The following SSBP2 variants were observed in gnomAD, a reference collection of about 807,000 sequenced individuals.
SSBP2 encodes single stranded DNA binding protein 2, also known as single-stranded DNA-binding protein 2.
Under a neutral mutation model 61.8 loss-of-function variants are expected in SSBP2, and 17 were observed. That is an observed-to-expected ratio of 0.28 (90% CI 0.19 to 0.41). The LOEUF is 0.41. SSBP2 is among the 10% of genes least tolerant of loss of function. The probability of loss-of-function intolerance (pLI) is 1.00; values close to 1 mark genes in which losing one functional copy is unlikely to be tolerated. For missense variants in SSBP2, 310 were observed against 458.7 expected, an observed-to-expected ratio of 0.68 and a Z score of 2.96; for synonymous variants, 139 against 141.3, an observed-to-expected ratio of 0.98 and a Z score of 0.12.
chr5:81,468,373 A>G (rs1377821277), intron 8 of SSBP2, among the ~76,000 whole-genome samples: 1 of 151,870 alleles, frequency 6.6e-6, no homozygotes, highest in Non-Finnish European at 1.5e-5. Flanking sequence ...CCTGCTCCCA[A>G]TCTATTCTCC....
chr5:81,435,569 G>GT (rs1394865319), intron 15 of SSBP2, among the ~76,000 whole-genome samples: 1 of 152,206 alleles, frequency 6.6e-6, no homozygotes, highest in Non-Finnish European at 1.5e-5. Flanking sequence ...GCATGGGAAA[G>GT]TAAGCACAGA....
chr5:81,654,095 C>G (rs1750003519), intron 1 of SSBP2, among the ~76,000 whole-genome samples: 2 of 151,816 alleles, frequency 1.3e-5, no homozygotes, highest in Admixed American at 6.6e-5. Context: ...TCCCGAGCAG[C>G]TTGGACTACA....
chr5:81,555,273 A>G (rs2153386438), intron 4 of SSBP2, among the ~76,000 whole-genome samples: 1 of 152,238 alleles, frequency 6.6e-6, no homozygotes, highest in South Asian at 2.1e-4. Context: ...ACATCTGTAT[A>G]AACTAATAAA....
intron 1 of SSBP2, among the ~76,000 whole-genome samples, chr5:81,736,830 C>T (rs761523212): frequency 3.9e-5 from 6 of 152,150 alleles, no homozygotes; most frequent in Non-Finnish European, 7.4e-5. Context: ...AGTCAGCTAA[C>T]CAAGGGAGAG....
chr5:81,700,595 ATATT>A (rs1171109782), intron 1 of SSBP2, among the ~76,000 whole-genome samples: 1 of 152,232 alleles, frequency 6.6e-6, no homozygotes, highest in Non-Finnish European at 1.5e-5. Context: ...CCTACATGGC[ATATT>A]CTTCTAATAG....
chr5:81,515,021 T>C (rs1237068531), intron 4 of SSBP2, among the ~76,000 whole-genome samples: 1 of 152,014 alleles, frequency 6.6e-6, no homozygotes, highest in Non-Finnish European at 1.5e-5. Context: ...CAATTTCAAT[T>C]AGCGCACATT....
At chr5:81,554,211 T>A (rs1004330463) in intron 4 of SSBP2, among the ~76,000 whole-genome samples, 1 of 152,104 alleles carries the variant, frequency 6.6e-6, no homozygotes, top group African/African-American at 2.4e-5. Context: ...CAACAATGTG[T>A]AGACTTTTTT....
At chr5:81,622,122 A>T (rs998968819) in intron 3 of SSBP2, among the ~76,000 whole-genome samples, 13 of 132,538 alleles carry the variant, frequency 9.8e-5, no homozygotes, top group African/African-American at 3.6e-4. Flanking sequence ...AAAAAAATTA[A>T]AAAAAAAAAA....
intron 10 of SSBP2, among the ~76,000 whole-genome samples, chr5:81,459,056 C>T (rs1415345770): frequency 6.6e-6 from 1 of 152,182 alleles, no homozygotes; most frequent in African/African-American, 2.4e-5. Context: ...TACTTGCCTA[C>T]ATGTGTGCTA....
At position 81,491,962 on chromosome 5, in the gene SSBP2, C is replaced by T. The variant is rs533216770; in HGVS notation, c.373-2653G>A. 3.3e-5 allele frequency among the ~76,000 whole-genome samples: 5 copies of T among 152,208 alleles called. No homozygotes were observed. The East Asian group carries it at 5.8e-4, about 18-fold the overall frequency. On this transcript the variant is annotated intron_variant, in intron 5 of 16. Transcript: ENST00000320672. ...CTCAACTGCCTAGTGAATTAGCTTG[C>T]GTAGACACAGCAACAGAATCTAAAA... is the stretch of plus-strand genomic sequence containing the variant.
At chr5:81,732,705 G>T (rs1581440464) in intron 1 of SSBP2, among the ~76,000 whole-genome samples, 2 of 152,308 alleles carry the variant, frequency 1.3e-5, no homozygotes, top group Admixed American at 1.3e-4. Flanking sequence ...GTTACTTTGG[G>T]TGGGTCATAC....
intron 1 of SSBP2, among the ~76,000 whole-genome samples, chr5:81,686,701 A>G (rs1752802781): frequency 1.3e-5 from 2 of 151,856 alleles, no homozygotes; most frequent in Non-Finnish European, 2.9e-5. Context: ...CTAAAAATAC[A>G]AAAATTAGCC....
intron 6 of SSBP2, among the ~76,000 whole-genome samples, chr5:81,477,631 G>A (rs76080203): frequency 0.11 from 11,168 of 97,156 alleles, 464 homozygotes; most frequent in African/African-American, 0.16. Context: ...CCCCACACCC[G>A]CCATGTCCTG....
chr5:81,473,380 G>A (rs972106001), intron 8 of SSBP2, among the ~76,000 whole-genome samples: 1 of 152,090 alleles, frequency 6.6e-6, no homozygotes. Context: ...ATGCATTAGC[G>A]ATTTGTCCCA....
intron 1 of SSBP2, among the ~76,000 whole-genome samples, chr5:81,678,224 T>C (rs903353262): frequency 2.6e-5 from 4 of 151,974 alleles, no homozygotes; most frequent in African/African-American, 9.7e-5. Flanking sequence ...TAAGAATGAA[T>C]CAAAAAGAAA....
chr5:81,438,036 A>G (rs1241719107), intron 14 of SSBP2, among the ~76,000 whole-genome samples: 2 of 152,186 alleles, frequency 1.3e-5, no homozygotes, highest in East Asian at 3.8e-4. Context: ...TAAACAATCA[A>G]TATGAATTTC....
intron 1 of SSBP2, among the ~76,000 whole-genome samples, chr5:81,718,905 TA>T (rs1441963162): frequency 6.6e-6 from 1 of 152,218 alleles, no homozygotes. Flanking sequence ...TGTAAATTTC[TA>T]AGGACATTTC....
At chr5:81,516,065 A>T (rs770536874) in intron 4 of SSBP2, among the ~76,000 whole-genome samples, 2 of 151,986 alleles carry the variant, frequency 1.3e-5, no homozygotes, top group African/African-American at 4.8e-5. Flanking sequence ...CAAACAAAAT[A>T]TATTTATCCA....
chr5:81,645,631 C>T (rs1749176500), intron 2 of SSBP2, among the ~76,000 whole-genome samples: 3 of 152,258 alleles, frequency 2.0e-5, no homozygotes, highest in Admixed American at 1.3e-4. Context: ...AAAAGGATAG[C>T]TTCTAATGAA....
Sources: gnomAD v4.1 joint callset for allele counts (sites outside exome capture counted in the v4.1 genomes callset) on GRCh38, gnomAD v4.1.1 for gene constraint, MANE v1.5 for transcripts, NCBI Gene and HGNC (gene_info 2026-07-23, HGNC 2026-07-21) for gene names.